The following ABCC12 variants were observed in gnomAD, a reference collection of about 807,000 sequenced individuals.
ABCC12 encodes the protein ATP binding cassette subfamily C member 12.
A neutral mutation model predicts 151.1 loss-of-function variants in ABCC12; 142 were observed. The ratio of observed to expected loss-of-function variants is 0.94; its 90% CI spans 0.82 to 1.08. ABCC12 has a LOEUF of 1.08. ABCC12 is among the 50% of genes least tolerant of loss of function. The pLI is 0.00. For synonymous variants in ABCC12, 645 were observed against 646.4 expected (o/e 1.00, Z 0.03); for missense variants, 1,638 against 1,691.1 (o/e 0.97, Z 0.55).
chr16:48,104,338 T>G lies in ABCC12; in HGVS notation c.2704A>C (p.Thr902Pro). ...ILKSPMSFFD[T>P]TPTGRLMNRF... ...TTCATTAGCCTGCCAGTGGGAGTCG[T>G]GTCAAAGAAACTCATTGGGCTCTTT... Residue 902 changes from threonine to proline, a missense_variant, in exon 22 of 31, where the codon ACG (threonine) becomes CCG (proline). Coordinates refer to ENST00000311303, the MANE Select transcript of ABCC12 (RefSeq NM_001393797.1). 6.2e-7 allele frequency: 1 copy of G among 1,612,572 alleles called. No homozygotes were observed. The highest frequency in any genetic ancestry group is 8.5e-7 in the Non-Finnish European group (1 of 1,179,998).
chr16:48,148,901 T>C (rs1965078743), intron 2 of ABCC12, among the ~76,000 whole-genome samples: 1 of 152,038 alleles, frequency 6.6e-6, no homozygotes, highest in African/African-American at 2.4e-5. Flanking sequence ...CCAAACAAAC[T>C]GTGGGCTTCT....
intron 15 of ABCC12, among the ~76,000 whole-genome samples, chr16:48,113,114 G>A (rs911058561): frequency 6.6e-6 from 1 of 152,234 alleles, no homozygotes; most frequent in African/African-American, 2.4e-5. Flanking sequence ...GATACTGCAC[G>A]GTTCATCCAA....
chr16:48,099,589 A>G (rs574205939), intron 23 of ABCC12, among the ~76,000 whole-genome samples: 1 of 152,308 alleles, frequency 6.6e-6, no homozygotes, highest in Admixed American at 6.5e-5. Flanking sequence ...CTTTGGACAC[A>G]GCTGGACTAC....
rs766030432 is a variant in ABCC12 at position 48,086,814 on chromosome 16, T to C, written c.3641A>G (p.Asn1214Ser). ...GGTGTGACTCTCAAAGGGATCCAAGTTGTACCTGCAATGAAGGAGAGGAGA... is the reference window on the plus strand; with the variant it reads ...GGTGTGACTCTCAAAGGGATCCAAGCTGTACCTGCAATGAAGGAGAGGAGA... ...PVLFVGTVRY[N>S]LDPFESHTDE... The change falls in exon 28 of 31, where the codon AAC (asparagine) becomes AGC (serine). Residue 1214 changes from asparagine (N) to serine (S), a missense_variant. By Grantham distance (46) the Asn-to-Ser change is conservative. Coordinates refer to ENST00000311303, the MANE Select transcript of ABCC12 (RefSeq NM_001393797.1). 6.2e-7 allele frequency: 1 copy of C among 1,612,820 alleles called. No individual in the cohort carries two copies. The highest frequency in any genetic ancestry group is 1.3e-5 in the African/African-American group (1 of 74,958).
intron 8 of ABCC12, among the ~76,000 whole-genome samples, chr16:48,134,920 C>T (rs1464732927): frequency 2.0e-5 from 3 of 151,862 alleles, no homozygotes; most frequent in Non-Finnish European, 2.9e-5. Flanking sequence ...GGGGTGGTGA[C>T]GGGAGCCTGT....
Position 48,088,044 on chromosome 16 carries a change from G to A in ABCC12, c.3517C>T (p.Pro1173Ser). 1 of 1,614,168 alleles carries A rather than the reference G, an allele frequency of 6.2e-7. No individual in the cohort carries two copies. Among genetic ancestry groups the A allele is most frequent in the South Asian group, 1.1e-5 (1 of 91,080 alleles). The change falls in exon 27 of 31, where the codon CCA becomes TCA. Residue 1173 changes from proline (P) to serine (S), a missense_variant. Pro to Ser is a moderately conservative substitution (Grantham distance 74). Transcript: ENST00000311303. ...LGMALFRLVE[P>S]ASGTIFIDEV... is the part of the protein sequence containing the mutation. Reference sequence around the variant, plus strand: ...TCAATAAAGATTGTGCCACTGGCTGGCTCCACCAGACGAAACAAAGCCATT... The same window carrying A: ...TCAATAAAGATTGTGCCACTGGCTGACTCCACCAGACGAAACAAAGCCATT...
At chr16:48,089,171 G>A (rs987701736) in intron 25 of ABCC12, among the ~76,000 whole-genome samples, 6 of 152,176 alleles carry the variant, frequency 3.9e-5, no homozygotes, top group Non-Finnish European at 4.4e-5. Context: ...TTTGAGGGAC[G>A]GAAAGAAAAG....
intron 10 of ABCC12, among the ~76,000 whole-genome samples, chr16:48,129,285 A>G (rs527754525): frequency 1.3e-5 from 2 of 152,298 alleles, no homozygotes; most frequent in South Asian, 2.1e-4. Context: ...GCAAAATGTG[A>G]TGAGGACAAA....
Position 48,088,660 on chromosome 16 carries a change from G to T in ABCC12, c.3360C>A (p.Ile1120=). The stretch of plus-strand genomic sequence containing the variant: ...ATCTCATCTGATAGTCTCTGAAGGT[G>T]ATCTCCCCACGGCTGGGCCAGTCCT... ...CPKDWPSRGE[I]TFRDYQMRYR... is the part of the protein sequence containing the mutation. Residue 1120 remains isoleucine (I), a synonymous_variant, in exon 26 of 31, where the codon ATC becomes ATA. Transcript: ENST00000311303. The T allele has an allele frequency of 6.2e-7, 1 of 1,614,204 alleles. No individual in the cohort carries two copies. The highest frequency in any genetic ancestry group is 8.5e-7 in the Non-Finnish European group (1 of 1,180,016).
chr16:48,117,480 G>A lies in ABCC12; in HGVS notation c.1713-147C>T, dbSNP rs539093370. The A allele has an allele frequency of 1.3e-5, 10 of 765,418 alleles. No individual in the cohort carries two copies. In the East Asian group the frequency reaches 2.7e-4, roughly 21 times the overall value. 47.4% of individuals were successfully genotyped at this position (765,418 alleles called of 1,614,324 possible). ...CCAAGGCTCCCTGGCCAGTCGCTCTGCCTTCAATGACCCAAGGGTAGCGTC... is the reference window on the plus strand; with the variant it reads ...CCAAGGCTCCCTGGCCAGTCGCTCTACCTTCAATGACCCAAGGGTAGCGTC... On this transcript the variant is annotated intron_variant, in intron 13 of 30. Transcript: ENST00000311303.
At chr16:48,143,566 T>G (rs1486657601) in intron 4 of ABCC12, among the ~76,000 whole-genome samples, 12 of 152,226 alleles carry the variant, frequency 7.9e-5, no homozygotes, top group Admixed American at 7.9e-4. Flanking sequence ...AATCTCATCT[T>G]GAATTTTAGC....
At chr16:48,151,076 T>C (rs1965110278) in intron 2 of ABCC12, among the ~76,000 whole-genome samples, 1 of 151,742 alleles carries the variant, frequency 6.6e-6, no homozygotes, top group African/African-American at 2.4e-5. Flanking sequence ...TATAGTACCA[T>C]ATGGAAAAGG....
Position 48,133,031 on chromosome 16 carries a change from C to G in ABCC12, c.1128+656G>C, listed in dbSNP as rs567095027. Among the ~76,000 whole-genome samples, 2 of 152,156 alleles carry G rather than the reference C, an allele frequency of 1.3e-5. 1 individual carries two copies. Among genetic ancestry groups the G allele is most frequent in the South Asian group, 4.2e-4 (2 of 4,818 alleles). ...TCTTAATACCTATACCTCCTCCCTC[C>G]GAGAAAATTTTCTCAAACTCTCCTT... On this transcript the variant is annotated intron_variant, in intron 9 of 30. Coordinates refer to ENST00000311303, the MANE Select transcript of ABCC12 (RefSeq NM_001393797.1).
chr16:48,140,561 G>C (rs1662436289), intron 6 of ABCC12, 126 bp downstream of exon 6: 1 of 890,952 alleles, frequency 1.1e-6, no homozygotes, highest in Admixed American at 2.2e-5. Flanking sequence ...CAGGAGATGG[G>C]ACATGATGGG....
rs748993769 is a variant in ABCC12, at chr16:48,139,177, A to G, written c.817T>C (p.Phe273Leu). The G allele has an allele frequency of 6.2e-7, 1 of 1,604,578 alleles. No homozygotes were observed. The highest frequency in any genetic ancestry group is 1.1e-5 in the South Asian group (1 of 88,922). The change falls in exon 7 of 31, where the codon TTC (phenylalanine) becomes CTC (leucine). Residue 273 changes from phenylalanine to leucine, a missense_variant. Physicochemically the swap from Phe to Leu is conservative, Grantham distance 22. Transcript: ENST00000311303. ...CCTGCCGTTACCTGGACGGGTATGA[A>G]TATGACATACACTGATATCCCGATG... ...ALIGISVYVIFIPVQMFMAKL... is the reference protein window; with the variant it reads ...ALIGISVYVILIPVQMFMAKL...
At position 48,150,209 on chromosome 16, in the gene ABCC12, A is replaced by G. The variant is rs1965098541; in HGVS notation, c.-51+3407T>C. Among the ~76,000 whole-genome samples, 5 of 152,112 alleles carry G rather than the reference A, an allele frequency of 3.3e-5. No homozygotes were observed. In the South Asian group the frequency reaches 1.0e-3, roughly 32 times the overall value. On this transcript the variant is annotated intron_variant, in intron 2 of 30. Coordinates refer to ENST00000311303, the MANE Select transcript of ABCC12 (RefSeq NM_001393797.1). ...CCCCTGCTAGCCTCTCTTCTCTCAT[A>G]CTGGTGTCAACACTGAAGTTCAATC...
chr16:48,117,232 A>C, intron 14 of ABCC12, 29 bp downstream of exon 14: 1 of 1,605,416 alleles, frequency 6.2e-7, no homozygotes, highest in South Asian at 1.1e-5. Context: ...GTGCAGCTAC[A>C]GTGGGCTTGC....
In ABCC12 at chr16:48,153,903, C is replaced by CA. The variant is rs1965149569; in HGVS notation, c.-319-20_-319-19insT. The CA allele has an allele frequency of 6.6e-6, 1 of 152,176 alleles. No individual in the cohort carries two copies. Among genetic ancestry groups the CA allele is most frequent in the African/African-American group, 2.4e-5 (1 of 41,436 alleles). The allele number at this position is 152,176 out of a possible 1,614,324, so 9.4% of individuals were successfully genotyped here. ...GGCAGCCCTGGGGGGAAAAATGAGA[C>CA]TTTTTTTAAAATCAGGAAGCCTGCT... On this transcript the variant is annotated intron_variant, in intron 1 of 30. Transcript: ENST00000311303.
chr16:48,113,896 A>G (rs1963786128), intron 15 of ABCC12, among the ~76,000 whole-genome samples: 1 of 152,120 alleles, frequency 6.6e-6, no homozygotes, highest in African/African-American at 2.4e-5. Flanking sequence ...GGGATGAGGC[A>G]TCCCCCTCCA....
Sources: gnomAD v4.1 joint callset for allele counts (sites outside exome capture counted in the v4.1 genomes callset) on GRCh38, gnomAD v4.1.1 for gene constraint, MANE v1.5 for transcripts, NCBI Gene and HGNC (gene_info 2026-07-23, HGNC 2026-07-21) for gene names.